CHN2: variants seen among roughly 807,000 people sequenced by gnomAD.
CHN2 encodes chimerin 2.
CHN2 carries 35 observed loss-of-function variants against 56.3 expected under a neutral mutation model. The ratio of observed to expected loss-of-function variants is 0.62; its 90% CI spans 0.47 to 0.82. CHN2 has a LOEUF of 0.82. CHN2 is among the 40% of genes least tolerant of loss of function. CHN2 has a pLI of 0.00. For missense variants in CHN2, 491 were observed against 580.5 expected (o/e 0.85, Z 1.58); for synonymous variants, 210 against 212.8 (o/e 0.99, Z 0.12).
chr7:29,455,034 A>G (rs1396072849), intron 6 of CHN2, among the ~76,000 whole-genome samples: 2 of 152,274 alleles, frequency 1.3e-5, no homozygotes, highest in South Asian at 2.1e-4. Context: ...AGTGCTGCTG[A>G]CATTCAACAG....
intron 2 of CHN2, among the ~76,000 whole-genome samples, chr7:29,186,218 C>T (rs1369757633): frequency 6.6e-6 from 1 of 151,828 alleles, no homozygotes; most frequent in African/African-American, 2.4e-5. Flanking sequence ...ATGAGTTCCC[C>T]AGAGCCTGGC....
chr7:29,289,657 T>C (rs1562892805), intron 1 of CHN2, among the ~76,000 whole-genome samples: 1 of 152,142 alleles, frequency 6.6e-6, no homozygotes, highest in Non-Finnish European at 1.5e-5. Flanking sequence ...ATGGGGAACT[T>C]GACTATTTTC....
intron 1 of CHN2, among the ~76,000 whole-genome samples, chr7:29,245,807 C>A (rs1425095960): frequency 6.6e-6 from 1 of 152,118 alleles, no homozygotes; most frequent in Non-Finnish European, 1.5e-5. Context: ...CGCCTTTACT[C>A]CGCTCTTCAG....
chr7:29,312,347 T>C (rs1412245689), intron 1 of CHN2, among the ~76,000 whole-genome samples: 3 of 152,192 alleles, frequency 2.0e-5, no homozygotes, highest in African/African-American at 7.2e-5. Flanking sequence ...CCCCTGAACC[T>C]TGCCAAATAT....
At chr7:29,478,592 AG>A (rs1461138849) in intron 6 of CHN2, among the ~76,000 whole-genome samples, 2 of 152,226 alleles carry the variant, frequency 1.3e-5, no homozygotes, top group African/African-American at 4.8e-5. Context: ...CGCTGGACAC[AG>A]ATGCTTTGTG....
intron 1 of CHN2, among the ~76,000 whole-genome samples, chr7:29,260,180 T>C (rs1357512130): frequency 6.6e-6 from 1 of 152,160 alleles, no homozygotes; most frequent in African/African-American, 2.4e-5. Flanking sequence ...TTTCACCATG[T>C]TGGCCAGGCT....
At chr7:29,208,196 G>A (rs940553035) in intron 1 of CHN2, among the ~76,000 whole-genome samples, 9 of 152,140 alleles carry the variant, frequency 5.9e-5, no homozygotes, top group Non-Finnish European at 1.2e-4. Context: ...CTGAGTCCCT[G>A]GGTAGCCACT....
At chr7:29,365,390 T>C (rs1799071182) in intron 2 of CHN2, among the ~76,000 whole-genome samples, 1 of 152,200 alleles carries the variant, frequency 6.6e-6, no homozygotes, top group Non-Finnish European at 1.5e-5. Flanking sequence ...GGAGAAATCA[T>C]TGTTTTTGGA....
At chr7:29,273,030 C>T (rs918457373) in intron 1 of CHN2, among the ~76,000 whole-genome samples, 5 of 152,072 alleles carry the variant, frequency 3.3e-5, no homozygotes, top group African/African-American at 9.6e-5. Context: ...GTAGTCCTCA[C>T]GGTGTACATT....
At chr7:29,465,093 A>G (rs1234702620) in intron 6 of CHN2, among the ~76,000 whole-genome samples, 2 of 152,184 alleles carry the variant, frequency 1.3e-5, no homozygotes, top group East Asian at 3.9e-4. Context: ...AGAATATTTC[A>G]GGACACAGCC....
At position 29,512,712 on chromosome 7, in the gene CHN2, G is replaced by GA; in HGVS notation, c.1388dup (p.Asn463LysfsTer35). The GA allele has an allele frequency of 6.2e-7, 1 of 1,614,134 alleles. No individual in the cohort carries two copies. The highest frequency in any genetic ancestry group is 8.5e-7 in the Non-Finnish European group (1 of 1,180,002). On this transcript the variant is annotated frameshift_variant, in exon 13 of 13. Coordinates refer to ENST00000222792, the MANE Select transcript of CHN2 (RefSeq NM_004067.4). LOFTEE classifies it high-confidence loss of function. ...AAAGCTGATTGTGCAGATTTTAATA[G>GA]AAAACGAAGACGTTTTATTCTAATC...
intron 1 of CHN2, among the ~76,000 whole-genome samples, chr7:29,273,571 A>G (rs938625101): frequency 4.6e-5 from 7 of 151,392 alleles, no homozygotes; most frequent in African/African-American, 1.7e-4. Flanking sequence ...TGATCATTCC[A>G]ACTTTAATTT....
intron 1 of CHN2, among the ~76,000 whole-genome samples, chr7:29,214,485 T>C (rs1785193280): frequency 6.6e-6 from 1 of 152,174 alleles, no homozygotes. Flanking sequence ...ACAGGAGGCT[T>C]CAAGTTAATC....
intron 1 of CHN2, chr7:29,212,863 C>T: frequency 1.2e-6 from 2 of 1,610,196 alleles, no homozygotes; most frequent in Non-Finnish European, 8.5e-7. Flanking sequence ...GACTGGTGAC[C>T]TGACTGGGAA....
At chr7:29,197,043 A>G (rs1237851372) in intron 1 of CHN2, among the ~76,000 whole-genome samples, 2 of 152,212 alleles carry the variant, frequency 1.3e-5, no homozygotes, top group Non-Finnish European at 1.5e-5. Context: ...GTTCTCTTTT[A>G]AAGCACACTT....
chr7:29,484,020 C>T (rs1436502336), intron 7 of CHN2: 1 of 564,532 alleles, frequency 1.8e-6, no homozygotes, highest in Non-Finnish European at 3.2e-6. Context: ...TCTTTTTGTG[C>T]CTCTCACTTG....
chr7:29,390,058 A>G (rs1406982964), intron 3 of CHN2, among the ~76,000 whole-genome samples: 13 of 151,098 alleles, frequency 8.6e-5, no homozygotes, highest in Admixed American at 8.6e-4. Context: ...TGTCTCAAAA[A>G]AAAAAAAAAA....
At position 29,214,946 on chromosome 7, in the gene CHN2, C is replaced by T. The variant is rs117678715; in HGVS notation, c.49+19956C>T. Among the ~76,000 whole-genome samples, 501 of 152,244 alleles carry T rather than the reference C, an allele frequency of 3.3e-3. 6 individuals carry two copies. In the East Asian group the frequency reaches 0.034, roughly 10 times the overall value. ...AGCAGTCCATTTGTAACTCTTTATT[C>T]GGTCTGTTCTCAGTGGACTGTCACT... is the stretch of plus-strand genomic sequence containing the variant. On this transcript the variant is annotated intron_variant, in intron 1 of 12. Coordinates refer to ENST00000222792, the MANE Select transcript of CHN2 (RefSeq NM_004067.4).
At chr7:29,342,457 A>G (rs748560147) in intron 1 of CHN2, among the ~76,000 whole-genome samples, 9 of 152,224 alleles carry the variant, frequency 5.9e-5, no homozygotes, top group Non-Finnish European at 1.2e-4. Flanking sequence ...CAGTAATAAC[A>G]ATGCCAGGGC....
Sources: gnomAD v4.1 joint callset for allele counts (sites outside exome capture counted in the v4.1 genomes callset) on GRCh38, gnomAD v4.1.1 for gene constraint, MANE v1.5 for transcripts, NCBI Gene and HGNC (gene_info 2026-07-23, HGNC 2026-07-21) for gene names.